Variants in FRYL observed in about 807,000 individuals in gnomAD.
FRYL encodes protein furry homolog-like.
Under a neutral mutation model 351.2 loss-of-function variants are expected in FRYL, and 150 were observed. The observed-to-expected ratio is 0.43, with a 90% CI of 0.37 to 0.49. The LOEUF is 0.49. Among genes scored for constraint, FRYL ranks in the 20% least tolerant of loss-of-function variants. The pLI is 0.00. For synonymous variants in FRYL, 1,153 were observed against 1,257.1 expected (o/e 0.92, Z 1.75); for missense variants, 3,036 against 3,619.3 (o/e 0.84, Z 4.13).
At chr4:48,661,035 C>CT (rs1321205063) in intron 3 of FRYL, among the ~76,000 whole-genome samples, 1 of 152,112 alleles carries the variant, frequency 6.6e-6, no homozygotes, top group African/African-American at 2.4e-5. Flanking sequence ...AAAATATGAG[C>CT]TTTTGTAAAT....
chr4:48,551,913 C>T (rs920493447), intron 36 of FRYL, among the ~76,000 whole-genome samples: 4 of 152,090 alleles, frequency 2.6e-5, no homozygotes, highest in Admixed American at 6.5e-5. Flanking sequence ...GAAGGTGGTG[C>T]GAAAAAATAG....
intron 3 of FRYL, among the ~76,000 whole-genome samples, chr4:48,666,953 A>G (rs1423106299): frequency 6.6e-6 from 1 of 152,218 alleles, no homozygotes; most frequent in Non-Finnish European, 1.5e-5. Context: ...CTTTGTAATA[A>G]CTAAAATTAT....
intron 1 of FRYL, among the ~76,000 whole-genome samples, chr4:48,746,544 TA>T (rs75943469): frequency 2.5e-3 from 349 of 137,642 alleles, no homozygotes; most frequent in Non-Finnish European, 2.6e-3. Context: ...GACTCCGTTT[TA>T]AAAAAAAAAA....
At chr4:48,736,458 C>T (rs1771414312) in intron 1 of FRYL, among the ~76,000 whole-genome samples, 1 of 151,748 alleles carries the variant, frequency 6.6e-6, no homozygotes, top group Non-Finnish European at 1.5e-5. Context: ...AGCAGGTTAA[C>T]TAAGAAAAAA....
chr4:48,509,100 A>G lies in FRYL; in HGVS notation c.8394+959T>C, dbSNP rs1721932776. On this transcript the variant is annotated intron_variant, in intron 59 of 63. Transcript: ENST00000358350. ...GATACAAAAACCATAACCATGATGG[A>G]AAAGGCTGATAACCTGGACTTATTA... Among the ~76,000 whole-genome samples the G allele has an allele frequency of 2.0e-5, 3 of 152,206 alleles. No homozygotes were observed. The South Asian group carries it at 6.2e-4, about 32-fold the overall frequency.
chr4:48,508,658 A>G (rs1721817584), intron 59 of FRYL, among the ~76,000 whole-genome samples: 2 of 152,156 alleles, frequency 1.3e-5, no homozygotes, highest in African/African-American at 2.4e-5. Flanking sequence ...TGACTGGGGA[A>G]GCGGCAGGGT....
rs1725254602 is a variant in FRYL at position 48,523,108 on chromosome 4, G to A, written c.7318-4C>T. The A allele has an allele frequency of 3.1e-6, 5 of 1,607,932 alleles. No homozygotes were observed. The East Asian group carries it at 1.1e-4, about 36-fold the overall frequency. On this transcript the variant is annotated splice_region_variant and splice_polypyrimidine_tract_variant and intron_variant, in intron 53 of 63. Coordinates refer to ENST00000358350, the MANE Select transcript of FRYL (RefSeq NM_015030.2). ...TGAAATTGTCCATACTTTCACCCTGGAAAAGCAAGACACGATTTCTAAAAC... is the reference window on the plus strand; with the variant it reads ...TGAAATTGTCCATACTTTCACCCTGAAAAAGCAAGACACGATTTCTAAAAC...
rs1260495782 is a variant in FRYL at position 48,523,179 on chromosome 4, A to T, written c.7318-75T>A. 14 of 963,262 alleles carry T rather than the reference A, an allele frequency of 1.5e-5. No individual in the cohort carries two copies. In the Admixed American group the frequency reaches 3.2e-4, roughly 22 times the overall value. 59.7% of individuals were successfully genotyped at this position (963,262 alleles called of 1,614,324 possible). A position where few individuals can be genotyped will look rare whatever the true frequency, so the allele number is the denominator to read the frequency against. On this transcript the variant is annotated intron_variant, in intron 53 of 63. Transcript: ENST00000358350. ...TGTACTAAATGTAATATACCAGAAA[A>T]ACATATACCAAGATGAAAAATACTT...
chr4:48,666,563 C>T (rs1017575931), intron 3 of FRYL, among the ~76,000 whole-genome samples: 1 of 152,018 alleles, frequency 6.6e-6, no homozygotes, highest in African/African-American at 2.4e-5. Context: ...AAAAAGCTAA[C>T]TTCATAATCT....
chr4:48,531,212 T>A lies in FRYL; in HGVS notation c.6847A>T (p.Asn2283Tyr). 1 of 1,612,452 alleles carries A rather than the reference T, an allele frequency of 6.2e-7. No homozygotes were observed. Among genetic ancestry groups the A allele is most frequent in the Non-Finnish European group, 8.5e-7 (1 of 1,178,566 alleles). ...PEISFTKIFN[N>Y]VSKELPGKTL... ...TTCCCAGGCAACTCCTTAGAAACAT[T>A]ATTAAAAATTTTAGTGAAGGATATT... Residue 2283 changes from asparagine (N) to tyrosine (Y), a missense_variant, in exon 50 of 64, where the codon AAT becomes TAT. This residue lies in a region of FRYL where 1,987 missense variants were observed against 2,311.7 expected (regional missense o/e 0.86). Coordinates refer to ENST00000358350, the MANE Select transcript of FRYL (RefSeq NM_015030.2).
intron 3 of FRYL, among the ~76,000 whole-genome samples, chr4:48,666,711 G>A (rs1356558663): frequency 6.6e-6 from 1 of 152,040 alleles, no homozygotes; most frequent in Admixed American, 6.6e-5. Flanking sequence ...AAATAATAAA[G>A]AGAAATTTTC....
chr4:48,502,730 C>A, intron 61 of FRYL, 98 bp downstream of exon 61: 1 of 920,518 alleles, frequency 1.1e-6, no homozygotes, highest in Non-Finnish European at 1.7e-6. Flanking sequence ...AAGTAGTCCA[C>A]GAGAAAACAT....
chr4:48,766,687 CA>C (rs1774981917), intron 1 of FRYL, among the ~76,000 whole-genome samples: 1 of 152,136 alleles, frequency 6.6e-6, no homozygotes, highest in South Asian at 2.1e-4. Context: ...ATATCACATA[CA>C]ATACAATTTA....
At chr4:48,522,582 T>C (rs1457167646) in intron 54 of FRYL, among the ~76,000 whole-genome samples, 2 of 152,172 alleles carry the variant, frequency 1.3e-5, no homozygotes, top group African/African-American at 4.8e-5. Flanking sequence ...AAGTGAGTGG[T>C]GAATTAAATG....
intron 18 of FRYL, 45 bp downstream of exon 18, chr4:48,589,700 T>C (rs376870550): frequency 3.1e-6 from 5 of 1,597,146 alleles, no homozygotes; most frequent in East Asian, 2.2e-5. Flanking sequence ...CACACTGTCT[T>C]AGGAAAACTG....
At chr4:48,637,604 C>T (rs1262607092) in intron 3 of FRYL, 2 of 151,542 alleles carry the variant, frequency 1.3e-5, no homozygotes, top group Admixed American at 6.6e-5. Context: ...AAACCCATGT[C>T]GTATTAAACA....
chr4:48,561,544 G>C lies in FRYL; in HGVS notation c.3789C>G (p.Leu1263=), dbSNP rs1735501516. 1.2e-6 allele frequency: 2 copies of C among 1,612,806 alleles called. No individual in the cohort carries two copies. The highest frequency in any genetic ancestry group is 1.7e-6 in the Non-Finnish European group (2 of 1,179,068). Residue 1263 remains leucine, a synonymous_variant, in exon 33 of 64, where the codon CTC becomes CTG. Transcript: ENST00000358350. ...VLSQLSPLPH[L]YSVSYYQLSE... ...ACAACTGATAATATGAAACAGAATA[G>C]AGATGTGGTAGAGGAGACAGCTGGC... is the stretch of plus-strand genomic sequence containing the variant.
intron 56 of FRYL, among the ~76,000 whole-genome samples, chr4:48,514,680 G>A (rs1223721435): frequency 2.0e-5 from 3 of 152,174 alleles, no homozygotes; most frequent in Non-Finnish European, 4.4e-5. Flanking sequence ...GTGGTATCAC[G>A]GAAGTTCATT....
chr4:48,681,081 A>G (rs1170313378), intron 3 of FRYL: 4 of 1,272,220 alleles, frequency 3.1e-6, no homozygotes, highest in South Asian at 1.3e-5. Context: ...CCAAAACCAC[A>G]TCTCCCGAAA....
Sources: gnomAD v4.1 joint callset for allele counts (sites outside exome capture counted in the v4.1 genomes callset) on GRCh38, gnomAD v4.1.1 for gene constraint, gnomAD v4.1.1 regional missense constraint, MANE v1.5 for transcripts, NCBI Gene and HGNC (gene_info 2026-07-23, HGNC 2026-07-21) for gene names.